The following TASP1 variants were observed in gnomAD, a reference collection of about 807,000 sequenced individuals.
TASP1 encodes the protein threonine aspartase 1.
TASP1 carries 16 observed loss-of-function variants against 56.6 expected under a neutral mutation model. The ratio of observed to expected loss-of-function variants is 0.28; its 90% confidence interval spans 0.19 to 0.43. The LOEUF (loss-of-function observed/expected upper bound fraction) is 0.43. TASP1 is among the 20% of genes least tolerant of loss of function. The pLI, the probability that TASP1 is intolerant of heterozygous loss-of-function variation, is 1.00. For synonymous variants in TASP1, 179 were observed against 184.2 expected, an observed-to-expected ratio of 0.97 and a Z score of 0.23; for missense variants, 393 against 511.6, an observed-to-expected ratio of 0.77 and a Z score of 2.24.
the TASP1 span, among the ~76,000 whole-genome samples, chr20:13,192,660 C>T: frequency 1.3e-5 from 2 of 152,082 alleles, no homozygotes; most frequent in Non-Finnish European, 2.9e-5. Context: ...CACCCTCCCA[C>T]ATAGCCAAGA....
At chr20:13,108,228 T>G in the TASP1 span, among the ~76,000 whole-genome samples, 1 of 152,218 alleles carries the variant, frequency 6.6e-6, no homozygotes, top group East Asian at 1.9e-4. Flanking sequence ...TATTTAAATG[T>G]GGTTTGCTTA....
chr20:13,252,937 C>A, the TASP1 span, among the ~76,000 whole-genome samples: 2 of 152,176 alleles, frequency 1.3e-5, no homozygotes, highest in Admixed American at 1.3e-4. Context: ...CCAGCCCCCC[C>A]TCTCAGATCT....
chr20:13,570,849 G>T (rs2046687369), intron 6 of TASP1, among the ~76,000 whole-genome samples: 1 of 152,044 alleles, frequency 6.6e-6, no homozygotes, highest in African/African-American at 2.4e-5. Context: ...AATTTGAACT[G>T]TCCTGATGGC....
chr20:13,322,308 C>A, the TASP1 span, among the ~76,000 whole-genome samples: 1 of 152,154 alleles, frequency 6.6e-6, no homozygotes, highest in African/African-American at 2.4e-5. Flanking sequence ...CCAGACCTAG[C>A]TTAAAGAGAT....
chr20:13,633,928 A>C (rs2049192433), intron 1 of TASP1, among the ~76,000 whole-genome samples: 1 of 152,156 alleles, frequency 6.6e-6, no homozygotes, highest in African/African-American at 2.4e-5. Context: ...CCTAGTAATG[A>C]TATTAAAATT....
the TASP1 span, among the ~76,000 whole-genome samples, chr20:13,226,838 T>C: frequency 6.6e-6 from 1 of 152,214 alleles, no homozygotes; most frequent in African/African-American, 2.4e-5. Flanking sequence ...AGCCAAACCA[T>C]GTGGTTGCTT....
At chr20:13,128,357 A>G in the TASP1 span, among the ~76,000 whole-genome samples, 4 of 151,252 alleles carry the variant, frequency 2.6e-5, no homozygotes, top group Non-Finnish European at 5.9e-5. Context: ...TGTAGATCTC[A>G]GTGGCTTAAC....
chr20:13,438,257 C>T (rs2043082661), intron 11 of TASP1, among the ~76,000 whole-genome samples: 1 of 152,158 alleles, frequency 6.6e-6, no homozygotes, highest in African/African-American at 2.4e-5. Flanking sequence ...TCAAACTATA[C>T]TACAAGGCTA....
the TASP1 span, among the ~76,000 whole-genome samples, chr20:13,342,653 G>C: frequency 6.6e-6 from 1 of 152,168 alleles, no homozygotes; most frequent in African/African-American, 2.4e-5. Context: ...AGGAATGAGC[G>C]GAACTCCCAG....
the TASP1 span, among the ~76,000 whole-genome samples, chr20:13,208,201 G>A: frequency 9.9e-5 from 15 of 152,130 alleles, no homozygotes; most frequent in Admixed American, 7.2e-4. Flanking sequence ...CTTCCTTATG[G>A]GCTCAGGATG....
the TASP1 span, among the ~76,000 whole-genome samples, chr20:13,240,860 C>T: frequency 3.1e-3 from 471 of 152,262 alleles, 5 homozygotes; most frequent in African/African-American, 0.01. Context: ...GAGTCAAAGA[C>T]AGCTTCCAGT....
chr20:13,330,267 T>C, the TASP1 span, among the ~76,000 whole-genome samples: 1 of 152,214 alleles, frequency 6.6e-6, no homozygotes, highest in East Asian at 1.9e-4. Context: ...GTTTGTCAAA[T>C]TATTTTTCTG....
intron 11 of TASP1, among the ~76,000 whole-genome samples, chr20:13,457,036 C>A (rs1018756209): frequency 6.6e-6 from 1 of 152,020 alleles, no homozygotes. Flanking sequence ...AAACCAAACA[C>A]CGCATGTTCT....
intron 10 of TASP1, among the ~76,000 whole-genome samples, chr20:13,509,355 G>A (rs1227932029): frequency 6.6e-6 from 1 of 152,050 alleles, no homozygotes; most frequent in East Asian, 1.9e-4. Flanking sequence ...AGGAAATGAG[G>A]AGATAGTGTC....
the TASP1 span, among the ~76,000 whole-genome samples, chr20:13,213,850 T>G: frequency 6.6e-6 from 1 of 152,034 alleles, no homozygotes; most frequent in Non-Finnish European, 1.5e-5. Context: ...TAATCCGAAA[T>G]TAATCCTAGA....
intron 10 of TASP1, 136 bp downstream of exon 10, chr20:13,528,297 C>T: frequency 1.8e-6 from 1 of 570,330 alleles, no homozygotes. Context: ...TAAAACCTCG[C>T]AAATACTGAA....
intron 7 of TASP1, among the ~76,000 whole-genome samples, chr20:13,564,118 G>A (rs1159142426): frequency 6.6e-6 from 1 of 152,088 alleles, no homozygotes; most frequent in Non-Finnish European, 1.5e-5. Context: ...GAGGTAAAAG[G>A]CATTCAAATT....
intron 6 of TASP1, among the ~76,000 whole-genome samples, chr20:13,574,163 G>GAAC: frequency 6.6e-6 from 1 of 151,732 alleles, no homozygotes; most frequent in East Asian, 1.9e-4. Flanking sequence ...AGACAGCCAG[G>GAAC]AACAACAGCT....
At chr20:13,196,101 A>AT in the TASP1 span, among the ~76,000 whole-genome samples, 417 of 152,332 alleles carry the variant, frequency 2.7e-3, no homozygotes, top group Non-Finnish European at 4.2e-3. Flanking sequence ...AAAGAAACAC[A>AT]TTCAAGATGC....
Sources: allele counts gnomAD v4.1 joint callset (sites outside exome capture counted in the v4.1 genomes callset), GRCh38; gene constraint gnomAD v4.1.1; transcripts MANE v1.5; gene names NCBI Gene and HGNC (gene_info 2026-07-23, HGNC 2026-07-21).